The following CCDC171 variants were observed in gnomAD, a reference collection of about 807,000 sequenced individuals.
CCDC171 encodes the protein coiled-coil domain-containing protein 171.
CCDC171 carries 177 observed loss-of-function variants against 168.2 expected under a neutral mutation model. The ratio of observed to expected loss-of-function variants is 1.05; its 90% confidence interval spans 0.93 to 1.19. The LOEUF (loss-of-function observed/expected upper bound fraction) is 1.19. Ranked by LOEUF, CCDC171 falls within the 50% of genes most tolerant of loss-of-function variation. The pLI is 0.00. For missense variants in CCDC171, 1,991 were observed against 1,539.0 expected, an observed-to-expected ratio of 1.29 and a Z score of -4.91; for synonymous variants, 687 against 540.8, an observed-to-expected ratio of 1.27 and a Z score of -3.75.
chr9:15,927,682 GT>G (rs1278449107), intron 25 of CCDC171, among the ~76,000 whole-genome samples: 1 of 151,490 alleles, frequency 6.6e-6, no homozygotes, highest in African/African-American at 2.4e-5. Context: ...GTATTATATT[GT>G]TAATAAAAGT....
chr9:15,748,603 C>A (rs1424530105), intron 18 of CCDC171, among the ~76,000 whole-genome samples: 1 of 152,148 alleles, frequency 6.6e-6, no homozygotes, highest in Non-Finnish European at 1.5e-5. Flanking sequence ...AAGGGAAGCC[C>A]ATCAGACTAA....
At chr9:15,702,268 T>C (rs1171206209) in intron 11 of CCDC171, among the ~76,000 whole-genome samples, 1 of 152,160 alleles carries the variant, frequency 6.6e-6, no homozygotes, top group South Asian at 2.1e-4. Flanking sequence ...AGTGCTCATT[T>C]ACCATTCAAA....
intron 24 of CCDC171, among the ~76,000 whole-genome samples, chr9:15,900,678 G>A (rs1030461916): frequency 3.3e-5 from 5 of 152,190 alleles, no homozygotes; most frequent in African/African-American, 1.2e-4. Flanking sequence ...ATGCTTCTTT[G>A]TAGATGTAGA....
intron 11 of CCDC171, among the ~76,000 whole-genome samples, chr9:15,713,753 G>A (rs1433430368): frequency 6.6e-6 from 1 of 151,938 alleles, no homozygotes; most frequent in East Asian, 1.9e-4. Context: ...AATTTGAGTA[G>A]TTGCTACTTT....
At position 15,744,750 on chromosome 9, in the gene CCDC171, G is replaced by A. The variant is rs1246293437; in HGVS notation, c.2527G>A (p.Glu843Lys). 6.2e-7 allele frequency: 1 copy of A among 1,612,494 alleles called. No homozygotes were observed. The highest frequency in any genetic ancestry group is 2.2e-5 in the East Asian group (1 of 44,842). The change falls in exon 17 of 26, where the codon GAG (glutamate) becomes AAG (lysine). Residue 843 changes from glutamate (E) to lysine (K), a missense_variant. Coordinates refer to ENST00000380701, the MANE Select transcript of CCDC171 (RefSeq NM_173550.4). ...EGIGMLVCTG[E>K]PQDKHKFPKH... is the part of the protein sequence containing the mutation. ...CATAGGCATGTTAGTGTGCACAGGA[G>A]AGCCCCAAGACAAGCATAAATTTCC...
chr9:15,596,631 CTT>C (rs2042385163), intron 6 of CCDC171, among the ~76,000 whole-genome samples: 1 of 151,850 alleles, frequency 6.6e-6, no homozygotes, highest in South Asian at 2.1e-4. Flanking sequence ...AATGTGGGCT[CTT>C]TTTTGGTTCC....
chr9:15,587,576 A>C (rs549516381), intron 4 of CCDC171: 1 of 454,014 alleles, frequency 2.2e-6, no homozygotes, highest in Non-Finnish European at 4.4e-6. Context: ...ATACAAAGCC[A>C]GGAGGAAGAA....
At chr9:15,790,078 A>G (rs914643636) in intron 21 of CCDC171, among the ~76,000 whole-genome samples, 1 of 152,182 alleles carries the variant, frequency 6.6e-6, no homozygotes, top group Non-Finnish European at 1.5e-5. Context: ...ATGTGTGTTT[A>G]TAGCAGCATG....
intron 15 of CCDC171, 35 bp from the exon 16 acceptor site, chr9:15,729,575 G>A (rs761333191): frequency 3.5e-5 from 49 of 1,405,472 alleles, no homozygotes; most frequent in South Asian, 4.4e-5. Context: ...TAGCTTGTGA[G>A]CATATTTCCT....
At position 15,594,178 on chromosome 9, in the gene CCDC171, T is replaced by A. The variant is rs199792250; in HGVS notation, c.675+6T>A. ...AATTACAATTTATAGTACAGGTATT[T>A]TAAAAATAATCAGTTCCTTAAATAT... On this transcript the variant is annotated splice_donor_region_variant and intron_variant, in intron 6 of 25. Transcript: ENST00000380701. 1,026 of 1,323,510 alleles carry A rather than the reference T, an allele frequency of 7.8e-4. 2 individuals are homozygous for A. The highest frequency in any genetic ancestry group is 9.6e-4 in the Non-Finnish European group (911 of 945,526). 82.0% of individuals were successfully genotyped at this position (1,323,510 alleles called of 1,614,324 possible). A position where few individuals can be genotyped will look rare whatever the true frequency, so the allele number is the denominator to read the frequency against.
intron 6 of CCDC171, among the ~76,000 whole-genome samples, chr9:15,604,425 C>A (rs2131711003): frequency 6.6e-6 from 1 of 152,250 alleles, no homozygotes; most frequent in South Asian, 2.1e-4. Context: ...TTCACGTATA[C>A]TTTATCAGTG....
At chr9:16,063,886 A>C (rs976098114), downstream of CCDC171, among the ~76,000 whole-genome samples, 1 of 152,256 alleles carries the variant, frequency 6.6e-6, no homozygotes, top group Non-Finnish European at 1.5e-5. Flanking sequence ...GGACCAAGAT[A>C]GTGAATTCTA....
At chr9:15,857,580 G>A (rs1369672714) in intron 23 of CCDC171, among the ~76,000 whole-genome samples, 1 of 151,738 alleles carries the variant, frequency 6.6e-6, no homozygotes, top group Admixed American at 6.6e-5. Flanking sequence ...ACACCACCAT[G>A]ACCGGCTAAT....
intron 1 of CCDC171, among the ~76,000 whole-genome samples, chr9:16,054,151 G>A (rs552863222): frequency 6.6e-5 from 10 of 152,158 alleles, no homozygotes; most frequent in African/African-American, 2.4e-4. Flanking sequence ...TCTGGGGTCC[G>A]GGCTTTGTAG....
intron 1 of CCDC171, among the ~76,000 whole-genome samples, chr9:16,052,234 G>A (rs987530949): frequency 1.3e-5 from 2 of 152,130 alleles, no homozygotes; most frequent in Non-Finnish European, 2.9e-5. Flanking sequence ...AGGGAGAGAG[G>A]GAGGCTCTGA....
At position 15,793,551 on chromosome 9, in the gene CCDC171, G is replaced by GTTTTT. The variant is rs3082839; in HGVS notation, c.3267+8882_3267+8886dup. ...AGCACCACATCGCACTTATTCCAAG[G>GTTTTT]TTTTTTTTTTTTTTTTTTTTTTTTT... On this transcript the variant is annotated intron_variant, in intron 21 of 25. Coordinates refer to ENST00000380701, the MANE Select transcript of CCDC171 (RefSeq NM_173550.4). Among the ~76,000 whole-genome samples the GTTTTT allele has an allele frequency of 2.1e-3, 160 of 77,056 alleles. 29 individuals are homozygous for GTTTTT. The highest frequency in any genetic ancestry group is 6.5e-3 in the East Asian group (15 of 2,316). The allele number at this position is 77,056 out of a possible 152,430, so 50.6% of individuals were successfully genotyped here. A position where few individuals can be genotyped will look rare whatever the true frequency, so the allele number is the denominator to read the frequency against.
rs1238374107 is a variant in CCDC171 at position 15,778,957 on chromosome 9, T to G, written c.2899-11T>G. The G allele has an allele frequency of 6.8e-7, 1 of 1,464,940 alleles. No homozygotes were observed. Among genetic ancestry groups the G allele is most frequent in the African/African-American group, 1.4e-5 (1 of 69,590 alleles). The allele number at this position is 1,464,940 out of a possible 1,614,324, so 90.7% of individuals were successfully genotyped here. On this transcript the variant is annotated splice_polypyrimidine_tract_variant and intron_variant, in intron 19 of 25. Coordinates refer to ENST00000380701, the MANE Select transcript of CCDC171 (RefSeq NM_173550.4). ...GTTACTGTTTATAAAATTGCTCTTG[T>G]TTAACAACAGAAAAGCACAGCATCG...
At chr9:16,044,897 T>G (rs1833634875) in intron 1 of CCDC171, among the ~76,000 whole-genome samples, 1 of 152,186 alleles carries the variant, frequency 6.6e-6, no homozygotes, top group African/African-American at 2.4e-5. Context: ...GCCCCACTCC[T>G]TGCTTTGAGC....
rs919125524 is a variant in CCDC171, at chr9:15,799,212, A to G, written c.3267+14518A>G. ...TTTATATAGACCCGTGTTTCCATCTAATGTGATTTTCCTTCTGCTTGAGGA... is the reference window on the plus strand; with the variant it reads ...TTTATATAGACCCGTGTTTCCATCTGATGTGATTTTCCTTCTGCTTGAGGA... On this transcript the variant is annotated intron_variant, in intron 21 of 25. Coordinates refer to ENST00000380701, the MANE Select transcript of CCDC171 (RefSeq NM_173550.4). Among the ~76,000 whole-genome samples the G allele has an allele frequency of 7.6e-4, 108 of 142,896 alleles. 1 individual carries two copies. Among genetic ancestry groups the G allele is most frequent in the African/African-American group, 2.6e-3 (101 of 38,988 alleles). The allele number at this position is 142,896 out of a possible 152,430, so 93.7% of individuals were successfully genotyped here.
Sources: gnomAD v4.1 joint callset for allele counts (sites outside exome capture counted in the v4.1 genomes callset) on GRCh38, gnomAD v4.1.1 for gene constraint, MANE v1.5 for transcripts, NCBI Gene and HGNC (gene_info 2026-07-23, HGNC 2026-07-21) for gene names.